FREM1: variants seen among roughly 807,000 people sequenced by gnomAD.
The protein encoded by FREM1 is FRAS1 related extracellular matrix 1.
In FREM1, 220 loss-of-function variants were observed where a neutral mutation model predicts 210.1. The observed-to-expected ratio is 1.05, with a 90% confidence interval of 0.94 to 1.17. The LOEUF is 1.17. Among genes scored for constraint, FREM1 ranks in the 50% most tolerant of loss-of-function variants. FREM1 has a pLI of 0.00. For synonymous variants in FREM1, 1,189 were observed against 980.2 expected, an observed-to-expected ratio of 1.21 and a Z score of -3.98; for missense variants, 3,454 against 2,675.5, an observed-to-expected ratio of 1.29 and a Z score of -6.42.
intron 13 of FREM1, among the ~76,000 whole-genome samples, chr9:14,822,646 A>G (rs1334630987): frequency 6.6e-6 from 1 of 152,220 alleles, no homozygotes; most frequent in African/African-American, 2.4e-5. Flanking sequence ...CAAGGTAGCA[A>G]TGCCTTTGTA....
intron 19 of FREM1, among the ~76,000 whole-genome samples, chr9:14,804,516 C>T (rs954542022): frequency 7.2e-5 from 11 of 152,128 alleles, no homozygotes; most frequent in East Asian, 3.9e-4. Flanking sequence ...ACCCGGGGGG[C>T]GGAGCTTGCA....
intron 1 of FREM1, among the ~76,000 whole-genome samples, chr9:14,909,673 G>A (rs1818403063): frequency 6.6e-6 from 1 of 152,232 alleles, no homozygotes; most frequent in Non-Finnish European, 1.5e-5. Flanking sequence ...GATGGACTGA[G>A]AAGAGTTAGA....
At chr9:14,868,709 A>T in intron 2 of FREM1, 35 bp downstream of exon 2, 1 of 1,343,258 alleles carries the variant, frequency 7.4e-7, no homozygotes, top group Non-Finnish European at 1.1e-6. Flanking sequence ...GCATTCATAC[A>T]CACGACTGAA....
intron 24 of FREM1, among the ~76,000 whole-genome samples, chr9:14,778,537 G>A (rs1362607687): frequency 6.8e-6 from 1 of 148,030 alleles, no homozygotes; most frequent in African/African-American, 2.5e-5. Flanking sequence ...GATCCTGGGA[G>A]GTTGAGGCTA....
intron 30 of FREM1, among the ~76,000 whole-genome samples, 154 bp downstream of exon 30, chr9:14,749,973 C>G (rs1333670869): frequency 1.3e-5 from 2 of 152,254 alleles, no homozygotes; most frequent in East Asian, 3.9e-4. Flanking sequence ...AAGCAGAAAC[C>G]AGAATAAAGG....
At chr9:14,829,446 A>C (rs995360967) in intron 10 of FREM1, among the ~76,000 whole-genome samples, 1 of 152,176 alleles carries the variant, frequency 6.6e-6, no homozygotes, top group Admixed American at 6.5e-5. Context: ...TCCAACAAGC[A>C]TATGTTGGAA....
At chr9:14,752,851 A>G (rs954232808) in intron 29 of FREM1, among the ~76,000 whole-genome samples, 1 of 151,976 alleles carries the variant, frequency 6.6e-6, no homozygotes, top group African/African-American at 2.4e-5. Context: ...AGTACCCCCC[A>G]AACAAACAAA....
intron 35 of FREM1, among the ~76,000 whole-genome samples, chr9:14,745,873 T>C (rs1842329788): frequency 6.6e-6 from 1 of 152,202 alleles, no homozygotes; most frequent in African/African-American, 2.4e-5. Flanking sequence ...CTTGCCCAGC[T>C]TTATAATCAT....
At position 14,842,553 on chromosome 9, in the gene FREM1, C is replaced by T. The variant is rs753007720; in HGVS notation, c.1501G>A (p.Asp501Asn). 2 of 1,613,866 alleles carry T rather than the reference C, an allele frequency of 1.2e-6. No individual in the cohort carries two copies. The highest frequency in any genetic ancestry group is 4.5e-5 in the East Asian group (2 of 44,876). The change falls in exon 9 of 37, where the codon GAT becomes AAT. Residue 501 changes from aspartate to asparagine, a missense_variant. Transcript: ENST00000380880. ...TKDFVVFRIF[D>N]GHHSIRHKFP... ...TTGTGACGGATGCTGTGATGGCCAT[C>T]AAATATCCGGAAGACCACGAAGTCT...
At chr9:14,903,938 A>G (rs1278986951) in intron 1 of FREM1, among the ~76,000 whole-genome samples, 4 of 151,854 alleles carry the variant, frequency 2.6e-5, no homozygotes, top group Admixed American at 1.3e-4. Context: ...TGGCTAACAC[A>G]GTGAAACCGC....
intron 1 of FREM1, among the ~76,000 whole-genome samples, chr9:14,892,393 T>A (rs1247252769): frequency 1.3e-5 from 2 of 151,612 alleles, no homozygotes; most frequent in Non-Finnish European, 2.9e-5. Context: ...AGAGTTAGAG[T>A]CTCTCCTAAG....
At chr9:14,811,017 C>T (rs560327494) in intron 16 of FREM1, among the ~76,000 whole-genome samples, 1 of 152,282 alleles carries the variant, frequency 6.6e-6, no homozygotes, top group East Asian at 1.9e-4. Context: ...AAGAGAAGGG[C>T]CAGAAAACTC....
chr9:14,773,974 C>A, intron 25 of FREM1: 1 of 436,662 alleles, frequency 2.3e-6, no homozygotes. Flanking sequence ...AAAAAAAAGA[C>A]ACTAACAGAC....
chr9:14,792,889 A>T lies in FREM1; in HGVS notation c.3840-5T>A. ...TTCATTGCAATTTCAGCCTTCCTGT[A>T]AAAAGAAAAATGTCTGGGTTGATAT... On this transcript the variant is annotated splice_region_variant and splice_polypyrimidine_tract_variant and intron_variant, in intron 21 of 36. Coordinates refer to ENST00000380880, the MANE Select transcript of FREM1 (RefSeq NM_001379081.2). 6.4e-7 allele frequency: 1 copy of T among 1,556,712 alleles called. No homozygotes were observed. The highest frequency in any genetic ancestry group is 8.7e-7 in the Non-Finnish European group (1 of 1,148,688).
intron 1 of FREM1, among the ~76,000 whole-genome samples, chr9:14,890,088 G>C (rs1298561204): frequency 6.6e-6 from 1 of 152,206 alleles, no homozygotes; most frequent in Non-Finnish European, 1.5e-5. Flanking sequence ...TCTCACACAA[G>C]GGTACTGTAA....
At position 14,802,055 on chromosome 9, in the gene FREM1, T is replaced by C. The variant is rs1222106370; in HGVS notation, c.3472-181A>G. 2.0e-5 allele frequency among the ~76,000 whole-genome samples: 3 copies of C among 152,374 alleles called. No individual in the cohort carries two copies. The East Asian group carries it at 5.8e-4, about 29-fold the overall frequency. On this transcript the variant is annotated intron_variant, in intron 19 of 36. Transcript: ENST00000380880. ...ATGAATGTAAAGGAAGTAACAGATC[T>C]ATTAATCTCCCTTACATTTTTTTCT...
chr9:14,877,234 TCTTG>T (rs781527862), intron 1 of FREM1, among the ~76,000 whole-genome samples: 73 of 152,172 alleles, frequency 4.8e-4, no homozygotes, highest in Admixed American at 1.0e-3. Flanking sequence ...GCCTGGACCC[TCTTG>T]CTTAACTCTA....
intron 17 of FREM1, among the ~76,000 whole-genome samples, chr9:14,807,645 T>A (rs1417247080): frequency 6.6e-6 from 1 of 150,638 alleles, no homozygotes; most frequent in Non-Finnish European, 1.5e-5. Context: ...AGGATTGCAA[T>A]GTTGTCCTTG....
At chr9:14,762,043 A>G (rs941954891) in intron 27 of FREM1, among the ~76,000 whole-genome samples, 1 of 152,232 alleles carries the variant, frequency 6.6e-6, no homozygotes. Flanking sequence ...CACTTTAGAC[A>G]TCTGCTGGAG....
Sources: gnomAD v4.1 joint callset for allele counts (sites outside exome capture counted in the v4.1 genomes callset) on GRCh38, gnomAD v4.1.1 for gene constraint, MANE v1.5 for transcripts, NCBI Gene and HGNC (gene_info 2026-07-23, HGNC 2026-07-21) for gene names.